PTCHD1: variants seen among roughly 807,000 people sequenced by gnomAD.
PTCHD1 encodes the protein patched domain-containing protein 1.
Under a neutral mutation model 34.6 loss-of-function variants are expected in PTCHD1, and 3 were observed. The ratio of observed to expected loss-of-function variants is 0.09; its 90% CI spans 0.04 to 0.22. PTCHD1 has a LOEUF of 0.22. Among genes scored for constraint, PTCHD1 ranks in the 10% least tolerant of loss-of-function variants. The pLI, the probability that PTCHD1 is intolerant of heterozygous loss-of-function variation, is 1.00. For missense variants in PTCHD1, 504 were observed against 685.5 expected (o/e 0.74, Z 2.96); for synonymous variants, 305 against 283.1 (o/e 1.08, Z -0.77).
chrX:23,376,901 G>A (rs1387301365), intron 1 of PTCHD1, among the ~76,000 whole-genome samples: 2 of 112,072 alleles, frequency 1.8e-5, no homozygotes, highest in African/African-American at 6.5e-5. Context: ...AGTGAGTTAA[G>A]AAACCTTCCC....
intron 1 of PTCHD1, among the ~76,000 whole-genome samples, chrX:23,370,832 T>G (rs1230258017): frequency 8.9e-6 from 1 of 111,905 alleles, no homozygotes; most frequent in Non-Finnish European, 1.9e-5. Context: ...ATTTTTTTCA[T>G]AAGTTAAAAC....
intron 1 of PTCHD1, among the ~76,000 whole-genome samples, chrX:23,377,920 A>T (rs946493214): frequency 8.0e-5 from 9 of 112,060 alleles, no homozygotes; most frequent in African/African-American, 2.9e-4. Context: ...GAAGGTAATG[A>T]GTTGTAGTGG....
At chrX:23,376,610 G>A (rs1238272347) in intron 1 of PTCHD1, among the ~76,000 whole-genome samples, 2 of 112,280 alleles carry the variant, frequency 1.8e-5, no homozygotes, top group Non-Finnish European at 3.8e-5. Context: ...TTGTGTCTGT[G>A]CTTATGTGTA....
At chrX:23,351,290 A>G (rs921921738) in intron 1 of PTCHD1, 75 of 844,545 alleles carry the variant, frequency 8.9e-5, no homozygotes, top group Non-Finnish European at 1.2e-4. Context: ...TTCACACAAA[A>G]GATGTTGGAC....
chrX:23,359,089 C>A (rs1277330569), intron 1 of PTCHD1, among the ~76,000 whole-genome samples: 5 of 112,259 alleles, frequency 4.5e-5, no homozygotes, highest in Non-Finnish European at 9.4e-5. Flanking sequence ...CGTGATGCCT[C>A]CAGCTTTGTT....
intron 1 of PTCHD1, among the ~76,000 whole-genome samples, chrX:23,375,824 A>G (rs1922401597): frequency 8.9e-6 from 1 of 112,141 alleles, no homozygotes; most frequent in Non-Finnish European, 1.9e-5. Context: ...CTGTATAGAA[A>G]GCACTTAGAA....
chrX:23,360,281 C>CT (rs1921936823), intron 1 of PTCHD1, among the ~76,000 whole-genome samples: 1 of 110,857 alleles, frequency 9.0e-6, no homozygotes, highest in South Asian at 3.8e-4. Flanking sequence ...TGTTCCTGGA[C>CT]TTTTTTTTGC....
At position 23,398,002 on chromosome X, in the gene PTCHD1, G is replaced by C. The variant is rs1329813675; in HGVS notation, c.*3817G>C. Reference sequence around the variant, plus strand: ...ATATCAGTAAATGTCTTTAAATTCAGCAAATACTTATCGAGTGCCAAATAT... The same window carrying C: ...ATATCAGTAAATGTCTTTAAATTCACCAAATACTTATCGAGTGCCAAATAT... On this transcript the variant is annotated 3_prime_UTR_variant, in exon 3 of 3. Coordinates refer to ENST00000379361, the MANE Select transcript of PTCHD1 (RefSeq NM_173495.3). 8.9e-6 allele frequency: 1 copy of C among 111,915 alleles called. No individual in the cohort carries two copies. The highest frequency in any genetic ancestry group is 3.3e-5 in the African/African-American group (1 of 30,757). The allele number at this position is 111,915 out of a possible 1,213,427, so 9.2% of individuals were successfully genotyped here.
In PTCHD1 at chrX:23,400,348, G is replaced by T. The variant is rs1280119048; in HGVS notation, c.*6163G>T. 1 of 112,013 alleles carries T rather than the reference G, an allele frequency of 8.9e-6. No homozygotes were observed. The highest frequency in any genetic ancestry group is 2.8e-4 in the East Asian group (1 of 3,560). 9.2% of individuals were successfully genotyped at this position (112,013 alleles called of 1,213,427 possible). ...AATACAAAAAAATTAGCTGGGCGTG[G>T]TGGCACGTGCCTGTAGTCCCAGCTA... On this transcript the variant is annotated 3_prime_UTR_variant, in exon 3 of 3. Transcript: ENST00000379361.
intron 1 of PTCHD1, among the ~76,000 whole-genome samples, chrX:23,368,969 CAGG>C (rs1320521099): frequency 9.0e-6 from 1 of 111,123 alleles, no homozygotes; most frequent in African/African-American, 3.3e-5. Flanking sequence ...GAGGCTGAAG[CAGG>C]AGAATCGCTT....
rs377163166 is a variant in PTCHD1, at chrX:23,367,211, G to A, written c.352-12380G>A. 1.1e-4 allele frequency among the ~76,000 whole-genome samples: 12 copies of A among 111,964 alleles called. No homozygotes were observed. The East Asian group carries it at 3.1e-3, about 29-fold the overall frequency. On this transcript the variant is annotated intron_variant, in intron 1 of 2. Coordinates refer to ENST00000379361, the MANE Select transcript of PTCHD1 (RefSeq NM_173495.3). The stretch of plus-strand genomic sequence containing the variant: ...ATGGTGTAGTCCCTTAATATATGTT[G>A]AGTAAATGCATCATTGCTATAATTG...
At chrX:23,349,717 A>C (rs1921572965) in intron 1 of PTCHD1, among the ~76,000 whole-genome samples, 1 of 111,986 alleles carries the variant, frequency 8.9e-6, no homozygotes, top group Non-Finnish European at 1.9e-5. Context: ...CCACTATTAT[A>C]GTTGGAGACT....
chrX:23,399,816 C>T lies in PTCHD1; in HGVS notation c.*5631C>T, dbSNP rs1240820202. 1 of 111,921 alleles carries T rather than the reference C, an allele frequency of 8.9e-6. No homozygotes were observed. The highest frequency in any genetic ancestry group is 1.9e-5 in the Non-Finnish European group (1 of 53,194). The allele number at this position is 111,921 out of a possible 1,213,427, so 9.2% of individuals were successfully genotyped here. ...TGTTGGCAAGAGGAACACCAGGTTG[C>T]TACCACATTCTCACTGTTGCAACAA... On this transcript the variant is annotated 3_prime_UTR_variant, in exon 3 of 3. Transcript: ENST00000379361.
At chrX:23,337,867 T>C (rs1487035719) in intron 1 of PTCHD1, among the ~76,000 whole-genome samples, 1 of 110,967 alleles carries the variant, frequency 9.0e-6, no homozygotes, top group Non-Finnish European at 1.9e-5. Context: ...GTTTTGGGAT[T>C]GTACCTGTGC....
At chrX:23,356,695 C>T (rs1921813918) in intron 1 of PTCHD1, among the ~76,000 whole-genome samples, 1 of 112,161 alleles carries the variant, frequency 8.9e-6, no homozygotes, top group Admixed American at 9.5e-5. Flanking sequence ...AAAAAGAATA[C>T]CACCCTCACA....
Position 23,399,105 on chromosome X carries a change from G to A in PTCHD1, c.*4920G>A, listed in dbSNP as rs1923062204. ...GGAAGAAGTGATGTTCTTGTGGAAT[G>A]TGCCAGCAGCTTCTCCTTCCAGAAT... is the stretch of plus-strand genomic sequence containing the variant. On this transcript the variant is annotated 3_prime_UTR_variant, in exon 3 of 3. Coordinates refer to ENST00000379361, the MANE Select transcript of PTCHD1 (RefSeq NM_173495.3). 1 of 111,778 alleles carries A rather than the reference G, an allele frequency of 8.9e-6. No homozygotes were observed. The highest frequency in any genetic ancestry group is 1.9e-5 in the Non-Finnish European group (1 of 53,265). The allele number at this position is 111,778 out of a possible 1,213,427, so 9.2% of individuals were successfully genotyped here.
At chrX:23,374,304 AAAAAAC>A (rs1569138765) in intron 1 of PTCHD1, among the ~76,000 whole-genome samples, 2 of 100,848 alleles carry the variant, frequency 2.0e-5, no homozygotes, top group Non-Finnish European at 4.0e-5. Context: ...AAAAAAAAAA[AAAAAAC>A]CCAAAACCCT....
chrX:23,385,451 G>A (rs931235562), intron 2 of PTCHD1, among the ~76,000 whole-genome samples: 3 of 111,223 alleles, frequency 2.7e-5, no homozygotes, highest in Non-Finnish European at 5.7e-5. Flanking sequence ...CTGTCTACCC[G>A]GTCGTGCCCA....
chrX:23,370,288 G>T (rs1243303764), intron 1 of PTCHD1, among the ~76,000 whole-genome samples: 1 of 112,023 alleles, frequency 8.9e-6, no homozygotes, highest in African/African-American at 3.2e-5. Context: ...AGCCTAGGCA[G>T]TCTGATTCCA....
Sources: gnomAD v4.1 joint callset for allele counts (sites outside exome capture counted in the v4.1 genomes callset) on GRCh38, gnomAD v4.1.1 for gene constraint, MANE v1.5 for transcripts, NCBI Gene and HGNC (gene_info 2026-07-23, HGNC 2026-07-21) for gene names.